The following STX4 variants were observed in gnomAD, a reference collection of about 807,000 sequenced individuals.
STX4 encodes the protein syntaxin-4.
Under a neutral mutation model 41.8 loss-of-function variants are expected in STX4, and 24 were observed. The ratio of observed to expected loss-of-function variants is 0.57; its 90% CI spans 0.42 to 0.81. STX4 has a LOEUF of 0.81. STX4 is among the 30% of genes least tolerant of loss of function. STX4 has a pLI of 0.00. For synonymous variants in STX4, 158 were observed against 156.4 expected (o/e 1.01, Z -0.08); for missense variants, 316 against 389.9 (o/e 0.81, Z 1.60).
At chr16:31,038,409 A>G in intron 7 of STX4, 101 bp from the exon 8 acceptor site, 2 of 1,517,586 alleles carry the variant, frequency 1.3e-6, no homozygotes, top group East Asian at 2.3e-5. Context: ...GGAGTCACCC[A>G]TCAGATTCCA....
rs1462285024 is a variant in STX4 at position 31,038,185 on chromosome 16, T to C, written c.559T>C (p.Ser187Pro). ...LDSGQSEVFV[S>P]NILKDTQVTR... ...CAGTGGGCAAAGCGAGGTGTTTGTG[T>C]CCAATGTGAGTGGCCACAGCCAGCC... The change falls in exon 7 of 11, where the codon TCC (serine) becomes CCC (proline). Residue 187 changes from serine (S) to proline (P), a missense_variant. Transcript: ENST00000313843. The C allele has an allele frequency of 6.2e-7, 1 of 1,613,828 alleles. No homozygotes were observed. The highest frequency in any genetic ancestry group is 1.3e-5 in the African/African-American group (1 of 74,884).
At position 31,034,343 on chromosome 16, in the gene STX4, TGCA is replaced by T; in HGVS notation, c.232+20_232+22del. ...CGAGGAGAGTGAGTGAAACCCCGGC[TGCA>T]GGGCGCATGCTCCGCCCCAGGGATT... On this transcript the variant is annotated intron_variant, in intron 3 of 10. Transcript: ENST00000313843. 6.2e-7 allele frequency: 1 copy of T among 1,613,884 alleles called. No individual in the cohort carries two copies. Among genetic ancestry groups the T allele is most frequent in the Non-Finnish European group, 8.5e-7 (1 of 1,179,852 alleles).
At chr16:31,036,047 A>G (rs1330429059) in intron 5 of STX4, among the ~76,000 whole-genome samples, 16 of 152,058 alleles carry the variant, frequency 1.1e-4, no homozygotes, top group Non-Finnish European at 1.5e-5. Flanking sequence ...GCAAAGTGCT[A>G]TGATTATAGG....
chr16:31,039,063 C>T lies in STX4; in HGVS notation c.702+416C>T, dbSNP rs2056824969. 1 of 239,094 alleles carries T rather than the reference C, an allele frequency of 4.2e-6. No homozygotes were observed. The highest frequency in any genetic ancestry group is 8.3e-6 in the Non-Finnish European group (1 of 120,064). 14.8% of individuals were successfully genotyped at this position (239,094 alleles called of 1,614,324 possible). A position where few individuals can be genotyped will look rare whatever the true frequency, so the allele number is the denominator to read the frequency against. ...GTTGAGTTGAGCTTCCAGCCCTGTCCTGGAGGAGCTGGCCTCAGTCATGCT... is the reference window on the plus strand; with the variant it reads ...GTTGAGTTGAGCTTCCAGCCCTGTCTTGGAGGAGCTGGCCTCAGTCATGCT... On this transcript the variant is annotated intron_variant, in intron 8 of 10. Transcript: ENST00000313843. The surrounding 1 kb of genome is among the most constrained non-coding windows in gnomAD (Gnocchi z 4.1).
chr16:31,034,953 C>T lies in STX4; in HGVS notation c.308-17C>T, dbSNP rs1276391232. 4 of 1,584,404 alleles carry T rather than the reference C, an allele frequency of 2.5e-6. No homozygotes were observed. The highest frequency in any genetic ancestry group is 3.8e-5 in the Admixed American group (2 of 52,322). On this transcript the variant is annotated splice_polypyrimidine_tract_variant and intron_variant, in intron 4 of 10. Transcript: ENST00000313843. ...TATGGAGACAAGTACCCCCAATACC[C>T]CTGTGTCTTCCCACAGCCATAGAGC...
intron 5 of STX4, among the ~76,000 whole-genome samples, chr16:31,037,064 C>CCCCCT (rs1491425907): frequency 1.5e-4 from 18 of 122,276 alleles, no homozygotes; most frequent in Non-Finnish European, 2.4e-4. Context: ...ACCCCCCCCC[C>CCCCCT]TTTTTTTTTT....
rs1195058329 is a variant in STX4, at chr16:31,034,994, C to G, written c.332C>G (p.Ala111Gly). 1.2e-6 allele frequency: 2 copies of G among 1,611,372 alleles called. No individual in the cohort carries two copies. The highest frequency in any genetic ancestry group is 2.2e-5 in the East Asian group (1 of 44,730). The change falls in exon 5 of 11, where the codon GCT becomes GGT. Residue 111 changes from alanine to glycine, a missense_variant. Coordinates refer to ENST00000313843, the MANE Select transcript of STX4 (RefSeq NM_004604.5). ...LKAIEPQKEE[A>G]DENYNSVNTR... ...GCCATAGAGCCCCAGAAGGAGGAAG[C>G]TGATGAGAACTATAACTCCGTCAAC...
intron 5 of STX4, 31 bp downstream of exon 5, chr16:31,035,071 T>C: frequency 6.4e-7 from 1 of 1,567,130 alleles, no homozygotes. Context: ...ATGAGGACAT[T>C]TCAGCAAATG....
Position 31,038,176 on chromosome 16 carries a change from G to A in STX4, c.550G>A (p.Val184Met), listed in dbSNP as rs750355371. 29 of 1,613,992 alleles carry A rather than the reference G, an allele frequency of 1.8e-5. No individual in the cohort carries two copies. The highest frequency in any genetic ancestry group is 2.5e-6 in the Non-Finnish European group (3 of 1,180,028). ...EQMLDSGQSE[V>M]FVSNILKDTQ... ...GATGCTGGACAGTGGGCAAAGCGAG[G>A]TGTTTGTGTCCAATGTGAGTGGCCA... Residue 184 changes from valine to methionine, a missense_variant, in exon 7 of 11, where the codon GTG (valine) becomes ATG (methionine). By Grantham distance (21) the Val-to-Met change is conservative (BLOSUM62 1). Coordinates refer to ENST00000313843, the MANE Select transcript of STX4 (RefSeq NM_004604.5).
Position 31,039,991 on chromosome 16 carries a change from C to T in STX4, c.*95C>T, listed in dbSNP as rs1365227887. 1.6e-6 allele frequency: 1 copy of T among 640,096 alleles called. No individual in the cohort carries two copies. The highest frequency in any genetic ancestry group is 2.7e-6 in the Non-Finnish European group (1 of 367,402). The allele number at this position is 640,096 out of a possible 1,614,324, so 39.7% of individuals were successfully genotyped here. On this transcript the variant is annotated 3_prime_UTR_variant, in exon 11 of 11. Transcript: ENST00000313843. This position sits in a 1 kb window ranked among gnomAD's most constrained non-coding sequence, Gnocchi z 4.1. ...GGCAGGGCAGAGCCTCCAGTCGGAC[C>T]CCTTCCTCACACTGGCCCCTATGCA...
chr16:31,039,532 T>A lies in STX4; in HGVS notation c.703-9T>A. 6.2e-7 allele frequency: 1 copy of A among 1,613,732 alleles called. No individual in the cohort carries two copies. Among genetic ancestry groups the A allele is most frequent in the Non-Finnish European group, 8.5e-7 (1 of 1,179,898 alleles). On this transcript the variant is annotated splice_polypyrimidine_tract_variant and intron_variant, in intron 8 of 10. Coordinates refer to ENST00000313843, the MANE Select transcript of STX4 (RefSeq NM_004604.5). This position sits in a 1 kb window ranked among gnomAD's most constrained non-coding sequence, Gnocchi z 4.1. Reference sequence around the variant, plus strand: ...CTTACCTCCCTGAACCACCCCATCCTCTGAGCAGGGGGAGATGATCAATCG... The same window carrying A: ...CTTACCTCCCTGAACCACCCCATCCACTGAGCAGGGGGAGATGATCAATCG...
At chr16:31,033,109 A>T (rs1253142075), upstream of STX4, 3 of 526,756 alleles carry the variant, frequency 5.7e-6, no homozygotes, top group South Asian at 4.6e-5. The surrounding 1 kb of genome is among the most constrained non-coding windows in gnomAD (Gnocchi z 5.5). Flanking sequence ...ACTGCCTCGA[A>T]AGGCCTCTGG....
chr16:31,039,447 ATT>A lies in STX4; in HGVS notation c.703-86_703-85del, dbSNP rs891032499. On this transcript the variant is annotated intron_variant, in intron 8 of 10. Coordinates refer to ENST00000313843, the MANE Select transcript of STX4 (RefSeq NM_004604.5). This position sits in a 1 kb window ranked among gnomAD's most constrained non-coding sequence, Gnocchi z 4.1. ...TCTTGCCCTTGTCTTTGTTAGTGCA[ATT>A]TTTTTTTCCTGCCAGGAATGTTCTT... 27 of 1,310,236 alleles carry A rather than the reference ATT, an allele frequency of 2.1e-5. No individual in the cohort carries two copies. Among genetic ancestry groups the A allele is most frequent in the African/African-American group, 2.9e-5 (2 of 68,218 alleles). The allele number at this position is 1,310,236 out of a possible 1,614,324, so 81.2% of individuals were successfully genotyped here. A position where few individuals can be genotyped will look rare whatever the true frequency, so the allele number is the denominator to read the frequency against.
chr16:31,039,612 C>T lies in STX4; in HGVS notation c.774C>T (p.His258=), dbSNP rs139037938. Residue 258 remains histidine (H), a synonymous_variant, in exon 9 of 11, where the codon CAC becomes CAT. Transcript: ENST00000313843. The surrounding 1 kb of genome is among the most constrained non-coding windows in gnomAD (Gnocchi z 4.1). ...ACTACGTGGAACGTGGGCAGGAGCA[C>T]GTCAAGACGGCCCTGGAGAACCAGA... ...SADYVERGQE[H]VKTALENQKK... The T allele has an allele frequency of 3.6e-5, 58 of 1,614,160 alleles. No individual in the cohort carries two copies. The African/African-American group carries it at 4.3e-4, about 12-fold the overall frequency.
At chr16:31,034,909 T>A in intron 4 of STX4, 61 bp from the exon 5 acceptor site, 1 of 1,385,944 alleles carries the variant, frequency 7.2e-7, no homozygotes, top group Non-Finnish European at 9.8e-7. Context: ...TATGATAAAT[T>A]ATATTTCCCT....
intron 5 of STX4, 101 bp from the exon 6 acceptor site, chr16:31,037,825 T>A: frequency 8.5e-7 from 1 of 1,177,584 alleles, no homozygotes; most frequent in Non-Finnish European, 1.2e-6. Context: ...AGATCCCGCA[T>A]AAGAGCTCAT....
rs1036635299 is a variant in STX4 at position 31,033,770 on chromosome 16, C to G, written c.-36C>G. On this transcript the variant is annotated 5_prime_UTR_variant, in exon 1 of 11. Transcript: ENST00000313843. This position sits in a 1 kb window ranked among gnomAD's most constrained non-coding sequence, Gnocchi z 5.5. ...GGGAATTCCAAATTTGAGGGCCTCC[C>G]GGCTCTGGCGCCGGGGAGGGAGAGC... The G allele has an allele frequency of 9.0e-5, 131 of 1,449,514 alleles. No individual in the cohort carries two copies. Among genetic ancestry groups the G allele is most frequent in the Non-Finnish European group, 1.1e-4 (125 of 1,099,038 alleles). 89.8% of individuals were successfully genotyped at this position (1,449,514 alleles called of 1,614,324 possible).
chr16:31,037,054 A>ATCC (rs2056804638), intron 5 of STX4, among the ~76,000 whole-genome samples: 1 of 101,132 alleles, frequency 9.9e-6, no homozygotes, highest in South Asian at 4.8e-4. Flanking sequence ...ATATAGTGAG[A>ATCC]CCCCCCCCCC....
chr16:31,038,649 T>TG lies in STX4; in HGVS notation c.702+5dup. ...CTGGCTACCGAAGTGGAGATGCAGGTGGGTGCCCCGCGCAGCCCCAGACGT... is the reference window on the plus strand; with the variant it reads ...CTGGCTACCGAAGTGGAGATGCAGGTGGGGTGCCCCGCGCAGCCCCAGACGT... On this transcript the variant is annotated splice_region_variant and intron_variant, in intron 8 of 10. Transcript: ENST00000313843. The TG allele has an allele frequency of 6.2e-7, 1 of 1,613,896 alleles. No homozygotes were observed. The highest frequency in any genetic ancestry group is 8.5e-7 in the Non-Finnish European group (1 of 1,179,960).
Sources: gnomAD v4.1 joint callset for allele counts (sites outside exome capture counted in the v4.1 genomes callset) on GRCh38, gnomAD v4.1.1 for gene constraint, Gnocchi (gnomAD v3.1) non-coding constraint, MANE v1.5 for transcripts, NCBI Gene and HGNC (gene_info 2026-07-23, HGNC 2026-07-21) for gene names.